Variants in ATP10B observed in about 807,000 individuals in gnomAD.
ATP10B encodes ATPase phospholipid transporting 10B (putative), also known as phospholipid-transporting ATPase VB.
ATP10B carries 122 observed loss-of-function variants against 141.2 expected under a neutral mutation model. That is an observed-to-expected ratio of 0.86 (90% CI 0.75 to 1.00). ATP10B has a LOEUF of 1.00. Among genes scored for constraint, ATP10B ranks in the 50% least tolerant of loss-of-function variants. The pLI, the probability that ATP10B is intolerant of heterozygous loss-of-function variation, is 0.00. For missense variants in ATP10B, 1,876 were observed against 1,825.3 expected (o/e 1.03, Z -0.51); for synonymous variants, 685 against 692.0 (o/e 0.99, Z 0.16).
At chr5:160,678,357 G>T (rs2127735535) in intron 6 of ATP10B, among the ~76,000 whole-genome samples, 1 of 151,936 alleles carries the variant, frequency 6.6e-6, no homozygotes, top group East Asian at 1.9e-4. Context: ...GAGATGATTG[G>T]AAATTAAAAA....
chr5:160,799,168 AAAG>A (rs1214885159), intron 1 of ATP10B, among the ~76,000 whole-genome samples: 1 of 152,112 alleles, frequency 6.6e-6, no homozygotes, highest in East Asian at 1.9e-4. Flanking sequence ...AAATGAGTAA[AAAG>A]AAGTCCTCGG....
chr5:160,867,316 CAGGT>C, the ATP10B span, among the ~76,000 whole-genome samples: 1 of 152,026 alleles, frequency 6.6e-6, no homozygotes, highest in East Asian at 1.9e-4. Flanking sequence ...CAGTTGATGA[CAGGT>C]AGTTGTAATG....
At chr5:160,598,651 G>A in intron 22 of ATP10B, 119 bp downstream of exon 22, 2 of 855,116 alleles carry the variant, frequency 2.3e-6, no homozygotes, top group East Asian at 4.9e-5. Flanking sequence ...TGATGGAACA[G>A]TGGTCAGAAT....
intron 1 of ATP10B, among the ~76,000 whole-genome samples, chr5:160,837,950 C>A (rs910725145): frequency 1.3e-5 from 2 of 152,126 alleles, no homozygotes; most frequent in Admixed American, 1.3e-4. Context: ...CATCAGGATT[C>A]TGTAATGTAG....
intron 2 of ATP10B, among the ~76,000 whole-genome samples, chr5:160,765,676 C>G (rs1234313771): frequency 6.6e-6 from 1 of 152,000 alleles, no homozygotes; most frequent in Non-Finnish European, 1.5e-5. Context: ...GACCAAGAAT[C>G]TAAAAGTAAA....
intron 1 of ATP10B, among the ~76,000 whole-genome samples, chr5:160,848,159 C>T (rs561326115): frequency 2.0e-5 from 3 of 152,250 alleles, no homozygotes; most frequent in African/African-American, 7.2e-5. Context: ...TTCAGATCTT[C>T]AAGTCTTTAC....
intron 2 of ATP10B, among the ~76,000 whole-genome samples, chr5:160,727,896 T>C (rs1766467353): frequency 6.6e-6 from 1 of 152,144 alleles, no homozygotes; most frequent in Non-Finnish European, 1.5e-5. Flanking sequence ...CATAGGTAAA[T>C]TATTTTTTGG....
chr5:160,596,673 C>T (rs939406810), intron 22 of ATP10B, among the ~76,000 whole-genome samples: 5 of 151,570 alleles, frequency 3.3e-5, no homozygotes, highest in Admixed American at 3.3e-4. Context: ...TCTCCTTAAG[C>T]TGATAAGCAA....
the ATP10B span, among the ~76,000 whole-genome samples, chr5:160,917,991 T>A: frequency 3.3e-5 from 5 of 152,282 alleles, no homozygotes; most frequent in African/African-American, 1.2e-4. Context: ...CTGCTCAAGG[T>A]TTATCTGCAC....
intron 24 of ATP10B, among the ~76,000 whole-genome samples, chr5:160,587,565 G>T (rs1375982594): frequency 6.6e-6 from 1 of 152,170 alleles, no homozygotes; most frequent in East Asian, 1.9e-4. Context: ...CCATGAGCAT[G>T]GAATGTTTTT....
intron 2 of ATP10B, among the ~76,000 whole-genome samples, chr5:160,755,330 A>G (rs986273002): frequency 5.3e-5 from 8 of 152,150 alleles, no homozygotes; most frequent in Non-Finnish European, 1.0e-4. Flanking sequence ...GGCCCCTCCA[A>G]TTCGGCATGA....
chr5:160,837,243 G>A (rs1581630946), intron 1 of ATP10B, among the ~76,000 whole-genome samples: 2 of 152,238 alleles, frequency 1.3e-5, no homozygotes, highest in East Asian at 1.9e-4. Flanking sequence ...TACTATAAAT[G>A]TGAGTGGGGT....
intron 2 of ATP10B, among the ~76,000 whole-genome samples, chr5:160,733,692 CATATAT>C (rs33952685): frequency 4.4e-4 from 60 of 137,882 alleles, no homozygotes; most frequent in South Asian, 1.1e-3. Flanking sequence ...TACACACACA[CATATAT>C]ATATATATAT....
intron 2 of ATP10B, among the ~76,000 whole-genome samples, chr5:160,783,899 G>T (rs1009349954): frequency 2.6e-5 from 4 of 151,938 alleles, no homozygotes; most frequent in African/African-American, 7.2e-5. Context: ...AACATTTATT[G>T]TTTTTTCATT....
At chr5:160,711,713 A>G (rs2127772157) in intron 3 of ATP10B, among the ~76,000 whole-genome samples, 1 of 59,586 alleles carries the variant, frequency 1.7e-5, no homozygotes, top group East Asian at 5.6e-4. Flanking sequence ...GAATGTTTCC[A>G]GTTTTTGCCC....
At position 160,598,707 on chromosome 5, in the gene ATP10B, G is replaced by A; in HGVS notation, c.3564+63C>T. On this transcript the variant is annotated intron_variant, in intron 22 of 25. Transcript: ENST00000327245. Reference sequence around the variant, plus strand: ...TACAGCTCTTTCTCTGATGCCTCCAGAGGGGAGGTAGAGGTCAGTAAGAAG... The same window carrying A: ...TACAGCTCTTTCTCTGATGCCTCCAAAGGGGAGGTAGAGGTCAGTAAGAAG... The A allele has an allele frequency of 7.4e-6, 11 of 1,481,724 alleles. No homozygotes were observed. The South Asian group carries it at 1.3e-4, about 17-fold the overall frequency. The allele number at this position is 1,481,724 out of a possible 1,614,324, so 91.8% of individuals were successfully genotyped here.
chr5:160,853,567 C>T (rs892219866), upstream of ATP10B, among the ~76,000 whole-genome samples: 26 of 152,098 alleles, frequency 1.7e-4, no homozygotes, highest in African/African-American at 6.0e-4. Flanking sequence ...TATCACTTTC[C>T]TGGTAAAGAG....
At chr5:160,847,864 G>A (rs1176238820) in intron 1 of ATP10B, among the ~76,000 whole-genome samples, 1 of 152,122 alleles carries the variant, frequency 6.6e-6, no homozygotes, top group Non-Finnish European at 1.5e-5. Context: ...ATTTTCTAGT[G>A]TCGGTATTGC....
chr5:160,866,298 G>A, the ATP10B span, among the ~76,000 whole-genome samples: 3 of 152,240 alleles, frequency 2.0e-5, no homozygotes, highest in East Asian at 5.8e-4. Flanking sequence ...CCTAAGTGAA[G>A]TAACTCAGGA....
Sources: gnomAD v4.1 joint callset for allele counts (sites outside exome capture counted in the v4.1 genomes callset) on GRCh38, gnomAD v4.1.1 for gene constraint, MANE v1.5 for transcripts, NCBI Gene and HGNC (gene_info 2026-07-23, HGNC 2026-07-21) for gene names.